BMPER: variants seen among roughly 807,000 people sequenced by gnomAD.
BMPER encodes BMP binding endothelial regulator.
A neutral mutation model predicts 87.3 loss-of-function variants in BMPER; 45 were observed. The observed-to-expected ratio is 0.52, with a 90% CI of 0.41 to 0.66. BMPER has a LOEUF of 0.66. BMPER is among the 30% of genes least tolerant of loss of function. The pLI is 0.00. For missense variants in BMPER, 784 were observed against 867.5 expected (o/e 0.90, Z 1.21); for synonymous variants, 326 against 316.2 (o/e 1.03, Z -0.33).
intron 11 of BMPER, among the ~76,000 whole-genome samples, chr7:34,062,704 A>G (rs938340512): frequency 6.6e-6 from 1 of 152,194 alleles, no homozygotes; most frequent in Admixed American, 6.5e-5. Context: ...CCTAGCCTAT[A>G]TGGTATAGCC....
At chr7:34,131,762 G>A (rs1790596852) in intron 13 of BMPER, among the ~76,000 whole-genome samples, 1 of 152,208 alleles carries the variant, frequency 6.6e-6, no homozygotes, top group African/African-American at 2.4e-5. Context: ...CTGCCAATGG[G>A]AAGACTAGAG....
At chr7:33,974,604 G>T in intron 5 of BMPER, 98 bp from the exon 6 acceptor site, 1 of 1,187,638 alleles carries the variant, frequency 8.4e-7, no homozygotes, top group Non-Finnish European at 1.3e-6. Context: ...ACTCAGCTGT[G>T]TGGAGGTGGG....
intron 13 of BMPER, among the ~76,000 whole-genome samples, chr7:34,136,923 CTG>C (rs1450898591): frequency 6.6e-6 from 1 of 152,206 alleles, no homozygotes; most frequent in Non-Finnish European, 1.5e-5. Flanking sequence ...TCGTTCAAAA[CTG>C]TGCCTGGGAA....
chr7:34,143,814 A>C (rs980591229), intron 14 of BMPER, among the ~76,000 whole-genome samples: 1 of 152,188 alleles, frequency 6.6e-6, no homozygotes, highest in African/African-American at 2.4e-5. Flanking sequence ...TTTCTATAAT[A>C]GTTGTCGCCT....
intron 4 of BMPER, among the ~76,000 whole-genome samples, chr7:33,966,933 C>T (rs1785421551): frequency 6.6e-6 from 1 of 152,200 alleles, no homozygotes; most frequent in Non-Finnish European, 1.5e-5. Flanking sequence ...ATGTATGTTT[C>T]ACTTCTTTGA....
chr7:33,925,224 A>G (rs1425795862), intron 2 of BMPER, among the ~76,000 whole-genome samples: 2 of 152,130 alleles, frequency 1.3e-5, no homozygotes, highest in Non-Finnish European at 2.9e-5. Context: ...ATTGGGTTTA[A>G]TTTTTTGATT....
intron 2 of BMPER, among the ~76,000 whole-genome samples, chr7:33,936,805 T>C (rs1784613863): frequency 6.6e-6 from 1 of 152,208 alleles, no homozygotes; most frequent in Admixed American, 6.5e-5. Flanking sequence ...ATATTCAACT[T>C]TGTCATTATT....
intron 6 of BMPER, among the ~76,000 whole-genome samples, chr7:34,029,717 A>G (rs190916192): frequency 1.2e-4 from 19 of 152,174 alleles, no homozygotes; most frequent in Non-Finnish European, 1.5e-5. Flanking sequence ...CCAGAGCAGG[A>G]CTAAGGGGCA....
intron 6 of BMPER, chr7:34,043,035 G>A (rs921616087): frequency 2.6e-5 from 4 of 152,100 alleles, no homozygotes; most frequent in African/African-American, 7.2e-5. Context: ...TGATGGGGGT[G>A]GGGTTGTGAG....
intron 2 of BMPER, among the ~76,000 whole-genome samples, chr7:33,933,658 T>C (rs1030669533): frequency 6.6e-6 from 1 of 152,118 alleles, no homozygotes; most frequent in Non-Finnish European, 1.5e-5. Flanking sequence ...ACAGCTGGTG[T>C]CTGCAGACCT....
At chr7:33,913,590 T>G (rs1297783727) in intron 2 of BMPER, among the ~76,000 whole-genome samples, 1 of 152,228 alleles carries the variant, frequency 6.6e-6, no homozygotes, top group Non-Finnish European at 1.5e-5. Flanking sequence ...TTTGAATTTC[T>G]TTGACTACAT....
chr7:33,925,225 T>G (rs80288213), intron 2 of BMPER, among the ~76,000 whole-genome samples: 3,982 of 152,322 alleles, frequency 0.026, 188 homozygotes, highest in African/African-American at 0.091. Context: ...TTGGGTTTAA[T>G]TTTTTGATTT....
At chr7:34,047,498 C>T (rs566183682) in intron 7 of BMPER, among the ~76,000 whole-genome samples, 1 of 152,028 alleles carries the variant, frequency 6.6e-6, no homozygotes, top group South Asian at 2.1e-4. Flanking sequence ...TGGATGGTCT[C>T]GATCTCCTGA....
chr7:34,143,129 C>A, intron 13 of BMPER, 101 bp from the exon 14 acceptor site: 1 of 1,548,586 alleles, frequency 6.5e-7, no homozygotes, highest in Non-Finnish European at 8.8e-7. Flanking sequence ...TTTTAATGGG[C>A]CAATCAGGTT....
chr7:33,925,528 G>A (rs1345977371), intron 2 of BMPER, among the ~76,000 whole-genome samples: 1 of 152,118 alleles, frequency 6.6e-6, no homozygotes, highest in Admixed American at 6.5e-5. Context: ...CACTCATGGT[G>A]GACTTGGTAG....
intron 13 of BMPER, among the ~76,000 whole-genome samples, chr7:34,119,251 G>A (rs1354952642): frequency 6.6e-6 from 1 of 152,174 alleles, no homozygotes; most frequent in Non-Finnish European, 1.5e-5. Context: ...TACCCACGTA[G>A]TACCCACAGC....
At chr7:33,945,876 C>T (rs967931471) in intron 3 of BMPER, among the ~76,000 whole-genome samples, 1 of 151,952 alleles carries the variant, frequency 6.6e-6, no homozygotes, top group Non-Finnish European at 1.5e-5. Context: ...GTTAGTGACC[C>T]AGGATCAAGC....
chr7:33,909,686 A>AC (rs2128601094), intron 2 of BMPER, among the ~76,000 whole-genome samples: 1 of 133,906 alleles, frequency 7.5e-6, no homozygotes, highest in South Asian at 2.6e-4. Flanking sequence ...TGTACAAAAA[A>AC]AAAAAAAAAA....
chr7:34,109,363 C>A (rs935099717), intron 13 of BMPER, among the ~76,000 whole-genome samples: 2 of 152,184 alleles, frequency 1.3e-5, no homozygotes, highest in African/African-American at 4.8e-5. Context: ...GAAGAGCAAC[C>A]TGCTTTACTC....
Sources: gnomAD v4.1 joint callset for allele counts (sites outside exome capture counted in the v4.1 genomes callset) on GRCh38, gnomAD v4.1.1 for gene constraint, MANE v1.5 for transcripts, NCBI Gene and HGNC (gene_info 2026-07-23, HGNC 2026-07-21) for gene names.